Variants in CCSER1 observed in about 807,000 individuals in gnomAD.
CCSER1 encodes coiled-coil serine rich protein 1.
Under a neutral mutation model 82.0 loss-of-function variants are expected in CCSER1, and 41 were observed. That is an observed-to-expected ratio of 0.50 (90% CI 0.39 to 0.65). The LOEUF is 0.65. Ranked by LOEUF, CCSER1 falls within the 30% of genes least tolerant of loss-of-function variation. CCSER1 has a pLI of 0.00. For synonymous variants in CCSER1, 414 were observed against 383.9 expected (o/e 1.08, Z -0.92); for missense variants, 1,119 against 1,064.2 (o/e 1.05, Z -0.72).
chr4:90,331,872 T>A (rs1739349445), intron 3 of CCSER1, among the ~76,000 whole-genome samples: 1 of 152,042 alleles, frequency 6.6e-6, no homozygotes, highest in Non-Finnish European at 1.5e-5. Flanking sequence ...GTTCAGATAA[T>A]CTGTTTCCAC....
intron 7 of CCSER1, among the ~76,000 whole-genome samples, chr4:90,791,638 C>T (rs780610360): frequency 2.6e-5 from 4 of 152,064 alleles, no homozygotes; most frequent in Admixed American, 6.5e-5. Flanking sequence ...ATCACGAGGT[C>T]AGGAGATCAA....
At chr4:91,264,181 C>T (rs919085068) in intron 10 of CCSER1, among the ~76,000 whole-genome samples, 5 of 151,668 alleles carry the variant, frequency 3.3e-5, no homozygotes, top group African/African-American at 9.7e-5. Flanking sequence ...TGACTATCTT[C>T]CTCAGGAGAG....
chr4:91,087,835 C>A (rs1470745223), intron 10 of CCSER1, among the ~76,000 whole-genome samples: 1 of 152,080 alleles, frequency 6.6e-6, no homozygotes, highest in Non-Finnish European at 1.5e-5. Context: ...TATTTCTATT[C>A]AATGTAACTA....
intron 10 of CCSER1, among the ~76,000 whole-genome samples, chr4:91,180,300 G>T (rs1733875477): frequency 6.6e-6 from 1 of 152,216 alleles, no homozygotes; most frequent in Non-Finnish European, 1.5e-5. Context: ...TCAGATTTCA[G>T]ACTCTGTGCT....
chr4:90,656,109 T>C (rs950170), intron 6 of CCSER1, among the ~76,000 whole-genome samples: 17,983 of 151,910 alleles, frequency 0.12, 1,185 homozygotes, highest in East Asian at 0.18. Flanking sequence ...GTTTGACAGG[T>C]TGACATTAAA....
chr4:91,366,729 G>A (rs994205907), intron 10 of CCSER1, among the ~76,000 whole-genome samples: 1 of 152,134 alleles, frequency 6.6e-6, no homozygotes, highest in African/African-American at 2.4e-5. Context: ...GCATTTGCAT[G>A]TCCTTTCTCT....
intron 3 of CCSER1, among the ~76,000 whole-genome samples, chr4:90,378,501 T>C (rs1009823626): frequency 5.3e-5 from 8 of 152,126 alleles, no homozygotes; most frequent in African/African-American, 1.9e-4. Context: ...AATGATAGAG[T>C]GGGTTCAGAG....
At chr4:91,013,786 T>A in intron 9 of CCSER1, among the ~76,000 whole-genome samples, 1 of 127,664 alleles carries the variant, frequency 7.8e-6, no homozygotes, top group Admixed American at 7.9e-5. Context: ...TGTATTTTTT[T>A]TTTTTTTTGT....
At chr4:91,402,775 C>T (rs1385568583) in intron 10 of CCSER1, among the ~76,000 whole-genome samples, 1 of 152,146 alleles carries the variant, frequency 6.6e-6, no homozygotes, top group Non-Finnish European at 1.5e-5. Flanking sequence ...GATACCAGTG[C>T]CATGCTGTTT....
At chr4:90,767,306 AT>A (rs142916915) in intron 7 of CCSER1, among the ~76,000 whole-genome samples, 13 of 150,778 alleles carry the variant, frequency 8.6e-5, no homozygotes, top group South Asian at 4.2e-4. Flanking sequence ...ATGTAGAGCA[AT>A]TTTTTTTTTC....
intron 5 of CCSER1, among the ~76,000 whole-genome samples, chr4:90,586,264 T>G (rs1215166641): frequency 6.6e-6 from 1 of 152,084 alleles, no homozygotes; most frequent in East Asian, 1.9e-4. Flanking sequence ...CCACCCCAGT[T>G]TTTTTCCAAT....
chr4:90,880,704 G>A (rs1374946584), intron 8 of CCSER1, among the ~76,000 whole-genome samples: 5 of 152,172 alleles, frequency 3.3e-5, no homozygotes, highest in African/African-American at 1.2e-4. Context: ...GGGCACCAAT[G>A]TACATCTGGC....
chr4:91,466,302 A>T (rs1227513425), intron 10 of CCSER1, among the ~76,000 whole-genome samples: 1 of 152,190 alleles, frequency 6.6e-6, no homozygotes, highest in Admixed American at 6.5e-5. Flanking sequence ...AAAATTCAAC[A>T]GCCCTTCATG....
At chr4:90,300,000 A>T (rs946871368) in intron 1 of CCSER1, among the ~76,000 whole-genome samples, 1 of 151,964 alleles carries the variant, frequency 6.6e-6, no homozygotes, top group Admixed American at 6.6e-5. Flanking sequence ...TTTTATTTTC[A>T]CCAAGTATAA....
intron 10 of CCSER1, among the ~76,000 whole-genome samples, chr4:91,165,227 A>G (rs568293788): frequency 5.3e-5 from 8 of 152,182 alleles, no homozygotes; most frequent in African/African-American, 1.7e-4. Flanking sequence ...CTGGAGGTCC[A>G]CTCCAGACCC....
chr4:90,350,545 A>G (rs1479222467), intron 3 of CCSER1, among the ~76,000 whole-genome samples: 2 of 152,172 alleles, frequency 1.3e-5, no homozygotes, highest in Non-Finnish European at 2.9e-5. Flanking sequence ...TTGAAAAACA[A>G]CAAGGCCAAA....
At chr4:91,072,563 C>G (rs1216152853) in intron 9 of CCSER1, among the ~76,000 whole-genome samples, 3 of 152,064 alleles carry the variant, frequency 2.0e-5, no homozygotes, top group African/African-American at 7.2e-5. Context: ...CACTGATTTG[C>G]TAAACATGTA....
chr4:91,164,125 G>C (rs1201299809), intron 10 of CCSER1, among the ~76,000 whole-genome samples: 1 of 152,072 alleles, frequency 6.6e-6, no homozygotes, highest in South Asian at 2.1e-4. Flanking sequence ...GGCAGGCCTG[G>C]TGGTGACAAA....
At chr4:90,820,461 C>T (rs1759587574) in intron 8 of CCSER1, among the ~76,000 whole-genome samples, 1 of 152,140 alleles carries the variant, frequency 6.6e-6, no homozygotes, top group Non-Finnish European at 1.5e-5. Flanking sequence ...GGAAGGAATG[C>T]TTGTCCTCAC....
Sources: gnomAD v4.1 joint callset for allele counts (sites outside exome capture counted in the v4.1 genomes callset) on GRCh38, gnomAD v4.1.1 for gene constraint, MANE v1.5 for transcripts, NCBI Gene and HGNC (gene_info 2026-07-23, HGNC 2026-07-21) for gene names.